The following SYT1 variants were observed in gnomAD, a reference collection of about 807,000 sequenced individuals.
SYT1 encodes the protein synaptotagmin-1.
SYT1 carries 8 observed loss-of-function variants against 44.8 expected under a neutral mutation model. The ratio of observed to expected loss-of-function variants is 0.18; its 90% CI spans 0.10 to 0.32. The LOEUF (loss-of-function observed/expected upper bound fraction) is 0.32, where lower values mean the gene tolerates loss of function less well. Ranked by LOEUF, SYT1 falls within the 10% of genes least tolerant of loss-of-function variation. The pLI, the probability that SYT1 is intolerant of heterozygous loss-of-function variation, is 1.00. For missense variants in SYT1, 286 were observed against 509.3 expected, an observed-to-expected ratio of 0.56 and a Z score of 4.22; for synonymous variants, 154 against 188.8, an observed-to-expected ratio of 0.82 and a Z score of 1.51.
chr12:79,052,625 TC>T (rs1291122436), intron 3 of SYT1, among the ~76,000 whole-genome samples: 1 of 151,804 alleles, frequency 6.6e-6, no homozygotes, highest in African/African-American at 2.4e-5. Flanking sequence ...AGGGCTAATA[TC>T]CAGAATCTAC....
chr12:79,312,819 G>T (rs865787018), intron 8 of SYT1, among the ~76,000 whole-genome samples: 5 of 75,372 alleles, frequency 6.6e-5, no homozygotes, highest in Admixed American at 1.9e-4. Context: ...TGGATGTTTT[G>T]CTCTAGTCTT....
In SYT1 at chr12:79,052,673, A is replaced by C. The variant is rs182382370; in HGVS notation, c.-18+5311A>C. Among the ~76,000 whole-genome samples, 430 of 147,282 alleles carry C rather than the reference A, an allele frequency of 2.9e-3. 2 individuals carry two copies. Among genetic ancestry groups the C allele is most frequent in the African/African-American group, 9.9e-3 (410 of 41,232 alleles). On this transcript the variant is annotated intron_variant, in intron 3 of 10. Coordinates refer to ENST00000261205, the MANE Select transcript of SYT1 (RefSeq NM_005639.3). Reference sequence around the variant, plus strand: ...ACAAATTTACAAGAAAAAAACAAACAACCCCATCAAAAAGTGGGTGAAGGA... The same window carrying C: ...ACAAATTTACAAGAAAAAAACAAACCACCCCATCAAAAAGTGGGTGAAGGA...
At chr12:79,262,413 G>C (rs1272304556) in intron 4 of SYT1, among the ~76,000 whole-genome samples, 2 of 151,952 alleles carry the variant, frequency 1.3e-5, no homozygotes, top group Non-Finnish European at 2.9e-5. Flanking sequence ...GTGTTGATTG[G>C]TGTGGACTGA....
intron 8 of SYT1, among the ~76,000 whole-genome samples, chr12:79,304,789 A>G (rs1202206549): frequency 6.6e-6 from 1 of 152,052 alleles, no homozygotes; most frequent in Non-Finnish European, 1.5e-5. Context: ...TCAATTTTAT[A>G]ATATAGTAGA....
In SYT1 at chr12:79,179,439, CATATAGATATAGATATAATCT is replaced by C. The variant is rs1210021832; in HGVS notation, c.-17-38046_-17-38026del. ...ATAGATATATCTATATAGATATATCCATATAGATATAGATATAATCTATATAGATATAGATATAGAGATATA... is the reference window on the plus strand; with the variant it reads ...ATAGATATATCTATATAGATATATCCATATAGATATAGATATAGAGATATA... On this transcript the variant is annotated intron_variant, in intron 3 of 10. Transcript: ENST00000261205. Among the ~76,000 whole-genome samples the C allele has an allele frequency of 9.3e-4, 55 of 59,170 alleles. 1 individual carries two copies. The highest frequency in any genetic ancestry group is 1.3e-3 in the Non-Finnish European group (44 of 33,738). 38.8% of individuals were successfully genotyped at this position (59,170 alleles called of 152,430 possible). A position where few individuals can be genotyped will look rare whatever the true frequency, so the allele number is the denominator to read the frequency against.
At chr12:79,127,417 A>G (rs1287608797) in intron 3 of SYT1, among the ~76,000 whole-genome samples, 1 of 151,690 alleles carries the variant, frequency 6.6e-6, no homozygotes, top group Non-Finnish European at 1.5e-5. Flanking sequence ...TTGTGGTTCT[A>G]GAGCTTAGTC....
intron 8 of SYT1, among the ~76,000 whole-genome samples, chr12:79,309,924 T>C (rs1880683237): frequency 6.6e-6 from 1 of 152,126 alleles, no homozygotes; most frequent in Non-Finnish European, 1.5e-5. Context: ...TAGCCCTTTG[T>C]CAGATGAGTA....
intron 8 of SYT1, among the ~76,000 whole-genome samples, chr12:79,339,113 G>C (rs1423683977): frequency 2.0e-5 from 3 of 152,150 alleles, no homozygotes; most frequent in Non-Finnish European, 2.9e-5. Context: ...ATTGTGAATA[G>C]TGCTGCAATA....
intron 1 of SYT1, among the ~76,000 whole-genome samples, chr12:78,934,060 A>G (rs1877901740): frequency 6.6e-6 from 1 of 152,074 alleles, no homozygotes; most frequent in African/African-American, 2.4e-5. Context: ...TGCCTGAACC[A>G]CAGATAGTAG....
rs540879064 is a variant in SYT1, at chr12:78,940,556, A to ATTT, written c.-216-37235_-216-37233dup. Among the ~76,000 whole-genome samples the ATTT allele has an allele frequency of 7.6e-3, 1,127 of 149,006 alleles. 15 individuals are homozygous for ATTT. The highest frequency in any genetic ancestry group is 0.026 in the African/African-American group (1,069 of 40,564). On this transcript the variant is annotated intron_variant, in intron 1 of 10. Transcript: ENST00000261205. ...AGGAGACTGCCACCATGCACAGCTG[A>ATTT]TTTTTTTTTTAATTTTTTGTAGAGA...
chr12:79,442,117 A>G (rs975345304), intron 9 of SYT1, among the ~76,000 whole-genome samples: 8 of 152,352 alleles, frequency 5.3e-5, no homozygotes, highest in Admixed American at 3.9e-4. Flanking sequence ...GAGAAAACCT[A>G]TGCCTCACTT....
At chr12:79,130,995 A>T (rs974519619) in intron 3 of SYT1, among the ~76,000 whole-genome samples, 3 of 152,172 alleles carry the variant, frequency 2.0e-5, no homozygotes, top group African/African-American at 4.8e-5. Flanking sequence ...TTGTAATCCC[A>T]CTGCATTACA....
intron 9 of SYT1, among the ~76,000 whole-genome samples, chr12:79,397,619 A>C (rs967547661): frequency 2.0e-5 from 3 of 152,198 alleles, no homozygotes; most frequent in African/African-American, 7.2e-5. Flanking sequence ...AAGGAGGTCA[A>C]CTTTGGAGGC....
chr12:79,246,311 C>T (rs1000048683), intron 4 of SYT1, among the ~76,000 whole-genome samples: 7 of 152,148 alleles, frequency 4.6e-5, no homozygotes, highest in Non-Finnish European at 8.8e-5. Context: ...CCATCAGCTT[C>T]GCATGTGTGA....
chr12:79,104,912 A>C (rs370958918), intron 3 of SYT1, among the ~76,000 whole-genome samples: 6 of 152,086 alleles, frequency 3.9e-5, no homozygotes, highest in African/African-American at 1.4e-4. Context: ...AAAAGGAAAT[A>C]GATTTATTAG....
At chr12:79,439,043 T>C (rs1018511148) in intron 9 of SYT1, among the ~76,000 whole-genome samples, 4 of 152,180 alleles carry the variant, frequency 2.6e-5, no homozygotes, top group African/African-American at 9.7e-5. Context: ...ACCACATCTC[T>C]AACAAAAATA....
chr12:79,189,643 C>T (rs1004399074), intron 3 of SYT1, among the ~76,000 whole-genome samples: 2 of 152,142 alleles, frequency 1.3e-5, no homozygotes, highest in African/African-American at 2.4e-5. Flanking sequence ...GTGACTCACA[C>T]CTGTAATCCC....
rs1162433648 is a variant in SYT1, at chr12:78,973,916, CAAAAAAAAA to C, written c.-216-3868_-216-3860del. On this transcript the variant is annotated intron_variant, in intron 1 of 10. Transcript: ENST00000261205. ...AGCAGCAAGAGGAAGAGACGAACAC[CAAAAAAAAA>C]AAAAAAAAAAAAAATATATATATAT... Among the ~76,000 whole-genome samples the C allele has an allele frequency of 3.3e-3, 30 of 9,056 alleles. 1 individual carries two copies. Among genetic ancestry groups the C allele is most frequent in the African/African-American group, 0.013 (30 of 2,302 alleles). The allele number at this position is 9,056 out of a possible 152,430, so 5.9% of individuals were successfully genotyped here. A position where few individuals can be genotyped will look rare whatever the true frequency, so the allele number is the denominator to read the frequency against.
intron 4 of SYT1, among the ~76,000 whole-genome samples, chr12:79,279,102 C>A (rs1389274052): frequency 6.6e-6 from 1 of 151,530 alleles, no homozygotes; most frequent in Non-Finnish European, 1.5e-5. Context: ...TGACATCAAT[C>A]CTACCGAAAC....
Sources: gnomAD v4.1 joint callset for allele counts (sites outside exome capture counted in the v4.1 genomes callset) on GRCh38, gnomAD v4.1.1 for gene constraint, MANE v1.5 for transcripts, NCBI Gene and HGNC (gene_info 2026-07-23, HGNC 2026-07-21) for gene names.